The following TMEM135 variants were observed in gnomAD, a reference collection of about 807,000 sequenced individuals.
TMEM135 encodes the protein peroxisomal membrane protein 52.
A neutral mutation model predicts 60.3 loss-of-function variants in TMEM135; 30 were observed. The observed-to-expected ratio is 0.50, with a 90% CI of 0.37 to 0.68. TMEM135 has a LOEUF of 0.68. Among genes scored for constraint, TMEM135 ranks in the 30% least tolerant of loss-of-function variants. TMEM135 has a pLI of 0.00. For synonymous variants in TMEM135, 190 were observed against 186.7 expected, an observed-to-expected ratio of 1.02 and a Z score of -0.14; for missense variants, 468 against 548.8, an observed-to-expected ratio of 0.85 and a Z score of 1.47.
chr11:87,263,441 T>G (rs1439893063), intron 6 of TMEM135, among the ~76,000 whole-genome samples: 2 of 152,188 alleles, frequency 1.3e-5, no homozygotes, highest in Non-Finnish European at 2.9e-5. Context: ...CATTTTTGCT[T>G]TGGCTCATTA....
chr11:87,321,636 A>G lies in TMEM135; in HGVS notation c.*303A>G, dbSNP rs1173664003. 1.9e-6 allele frequency: 1 copy of G among 533,206 alleles called. No individual in the cohort carries two copies. The allele number at this position is 533,206 out of a possible 1,614,324, so 33.0% of individuals were successfully genotyped here. On this transcript the variant is annotated 3_prime_UTR_variant, in exon 15 of 15. Transcript: ENST00000305494. ...ATATAATCTACGTAGAAGTGTAATA[A>G]CAAACAAGAGTACACTTAAAATTAC...
chr11:87,313,496 A>G lies in TMEM135; in HGVS notation c.1000+8A>G. 6.2e-7 allele frequency: 1 copy of G among 1,603,264 alleles called. No individual in the cohort carries two copies. Among genetic ancestry groups the G allele is most frequent in the South Asian group, 1.1e-5 (1 of 90,698 alleles). ...TACATGCTATTATAGCTGGTAAAGC[A>G]ATAATAAAAATGAATGGTTATTATT... On this transcript the variant is annotated splice_region_variant and intron_variant, in intron 11 of 14. Transcript: ENST00000305494.
At chr11:87,073,962 C>G (rs1045550253) in intron 3 of TMEM135, among the ~76,000 whole-genome samples, 2 of 151,730 alleles carry the variant, frequency 1.3e-5, no homozygotes, top group Non-Finnish European at 2.9e-5. Flanking sequence ...GCCACTGCGC[C>G]CAGGCTTATT....
At chr11:87,178,611 A>T (rs1939441078) in intron 5 of TMEM135, 1 of 418,558 alleles carries the variant, frequency 2.4e-6, no homozygotes, top group Admixed American at 2.7e-5. Context: ...TTTTTAGTAG[A>T]GACGGGATTT....
At chr11:87,125,296 T>C (rs1381374946) in intron 4 of TMEM135, among the ~76,000 whole-genome samples, 2 of 152,112 alleles carry the variant, frequency 1.3e-5, no homozygotes, top group East Asian at 3.8e-4. Context: ...AGTAAATAAA[T>C]TAAAATTGTA....
intron 6 of TMEM135, among the ~76,000 whole-genome samples, chr11:87,272,944 C>T (rs898923121): frequency 6.6e-6 from 1 of 152,130 alleles, no homozygotes; most frequent in Non-Finnish European, 1.5e-5. Context: ...AGAATTTAGC[C>T]TGTAAGCTTT....
intron 1 of TMEM135, among the ~76,000 whole-genome samples, chr11:87,046,476 T>G (rs1033454201): frequency 2.0e-5 from 3 of 152,250 alleles, no homozygotes; most frequent in African/African-American, 7.2e-5. Context: ...AGCTGTAAGA[T>G]TTTAAGCCTT....
At chr11:87,186,891 G>A (rs1939668219) in intron 5 of TMEM135, among the ~76,000 whole-genome samples, 1 of 151,994 alleles carries the variant, frequency 6.6e-6, no homozygotes, top group Non-Finnish European at 1.5e-5. Flanking sequence ...ACAAGAGAGG[G>A]GAAATATTAA....
At chr11:87,149,378 C>G (rs1373432478) in intron 4 of TMEM135, among the ~76,000 whole-genome samples, 1 of 152,216 alleles carries the variant, frequency 6.6e-6, no homozygotes, top group African/African-American at 2.4e-5. Context: ...CTTCGTCATT[C>G]TCAGAGGTTT....
chr11:87,050,932 C>A (rs1185424417), intron 1 of TMEM135, among the ~76,000 whole-genome samples: 2 of 39,152 alleles, frequency 5.1e-5, no homozygotes, highest in Non-Finnish European at 8.1e-5. Context: ...TACTGGCAAA[C>A]CGAATCCAGC....
intron 4 of TMEM135, among the ~76,000 whole-genome samples, chr11:87,132,869 C>G (rs1214375554): frequency 6.6e-6 from 1 of 152,106 alleles, no homozygotes; most frequent in Non-Finnish European, 1.5e-5. Context: ...TTATCTTACA[C>G]ATTTTTCACA....
At chr11:87,256,865 G>A (rs571488439) in intron 6 of TMEM135, among the ~76,000 whole-genome samples, 2 of 151,766 alleles carry the variant, frequency 1.3e-5, no homozygotes, top group East Asian at 3.9e-4. Context: ...TCCCTCCTTT[G>A]CCCCTTTCTT....
At chr11:87,201,904 AACAC>A (rs1161039938) in intron 5 of TMEM135, among the ~76,000 whole-genome samples, 1 of 152,110 alleles carries the variant, frequency 6.6e-6, no homozygotes, top group African/African-American at 2.4e-5. Flanking sequence ...TAAAGATTTA[AACAC>A]ACACACATAC....
chr11:87,228,780 G>A (rs1940822977), intron 5 of TMEM135, among the ~76,000 whole-genome samples: 1 of 152,146 alleles, frequency 6.6e-6, no homozygotes, highest in Non-Finnish European at 1.5e-5. Context: ...ATGGATATAT[G>A]TTTTAACCAC....
At chr11:87,312,077 T>G (rs1565167659) in intron 10 of TMEM135, among the ~76,000 whole-genome samples, 1 of 151,746 alleles carries the variant, frequency 6.6e-6, no homozygotes. Flanking sequence ...TTACATATAA[T>G]GTATTATGTG....
At chr11:87,166,243 C>G (rs985079086) in intron 5 of TMEM135, among the ~76,000 whole-genome samples, 1 of 151,710 alleles carries the variant, frequency 6.6e-6, no homozygotes, top group African/African-American at 2.4e-5. Context: ...AATTTTCTCC[C>G]ATTCTGTAGG....
rs200199365 is a variant in TMEM135 at position 87,223,165 on chromosome 11, T to TC, written c.463-13473_463-13472insC. The stretch of plus-strand genomic sequence containing the variant: ...AGTAAATGGAGTTGAAAAGCACTTT[T>TC]TTTTTTTTTTTTTTTCTGAGATGGA... On this transcript the variant is annotated intron_variant, in intron 5 of 14. Transcript: ENST00000305494. 9.2e-4 allele frequency among the ~76,000 whole-genome samples: 138 copies of TC among 149,996 alleles called. 2 individuals carry two copies. Among genetic ancestry groups the TC allele is most frequent in the African/African-American group, 2.8e-3 (115 of 40,942 alleles).
At chr11:87,096,175 C>A (rs1857324278) in intron 4 of TMEM135, 1 of 306,300 alleles carries the variant, frequency 3.3e-6, no homozygotes. Flanking sequence ...GGAAAACTAG[C>A]AAAAGTTTTT....
intron 4 of TMEM135, among the ~76,000 whole-genome samples, chr11:87,146,194 C>G (rs1246688187): frequency 6.6e-6 from 1 of 152,128 alleles, no homozygotes; most frequent in Non-Finnish European, 1.5e-5. Flanking sequence ...TGTCCTTTTC[C>G]CATTGTGTAT....
Sources: allele counts gnomAD v4.1 joint callset (sites outside exome capture counted in the v4.1 genomes callset), GRCh38; gene constraint gnomAD v4.1.1; transcripts MANE v1.5; gene names NCBI Gene and HGNC (gene_info 2026-07-23, HGNC 2026-07-21).